The following RAE1 variants were observed in gnomAD, a reference collection of about 807,000 sequenced individuals.
RAE1 encodes mRNA export factor RAE1.
RAE1 carries 13 observed loss-of-function variants against 52.7 expected under a neutral mutation model. That is an observed-to-expected ratio of 0.25 (90% confidence interval 0.16 to 0.39). The LOEUF (loss-of-function observed/expected upper bound fraction) is 0.39. Ranked by LOEUF, RAE1 falls within the 10% of genes least tolerant of loss-of-function variation. RAE1 has a pLI of 1.00. For synonymous variants in RAE1, 164 were observed against 153.1 expected (o/e 1.07, Z -0.52); for missense variants, 262 against 459.8 (o/e 0.57, Z 3.93).
At chr20:57,364,863 T>C (rs931266251) in intron 4 of RAE1, among the ~76,000 whole-genome samples, 29 of 152,218 alleles carry the variant, frequency 1.9e-4, no homozygotes, top group African/African-American at 6.8e-4. Context: ...TGTTATTAGA[T>C]AGGGACCGAA....
intron 8 of RAE1, 127 bp downstream of exon 8, chr20:57,368,939 G>A (rs2066996071): frequency 1.4e-6 from 1 of 726,166 alleles, no homozygotes; most frequent in African/African-American, 1.8e-5. Context: ...TGAATTGAAG[G>A]ATATAAACAC....
intron 1 of RAE1, 152 bp downstream of exon 1, chr20:57,351,574 A>G (rs1458310944): frequency 1.0e-6 from 1 of 985,382 alleles, no homozygotes. Context: ...AAGCGAGGTC[A>G]GAGCTGGAAA....
At chr20:57,351,463 C>G (rs946340173) in intron 1 of RAE1, 41 bp downstream of exon 1, 1 of 985,376 alleles carries the variant, frequency 1.0e-6, no homozygotes, top group Non-Finnish European at 1.2e-6. Flanking sequence ...TAACCGCCGC[C>G]ATGGCTCCCG....
rs1175823574 is a variant in RAE1 at position 57,356,491 on chromosome 20, G to A, written c.241G>A (p.Ala81Thr). ...AGACAGTGGACAGACCATTCCAAAAGCCCAGCAGATGCACACTGGGCCTGT... is the reference window on the plus strand; with the variant it reads ...AGACAGTGGACAGACCATTCCAAAAACCCAGCAGATGCACACTGGGCCTGT... ...VQDSGQTIPK[A>T]QQMHTGPVLD... Residue 81 changes from alanine (A) to threonine (T), a missense_variant, in exon 4 of 12, where the codon GCC becomes ACC. Ala to Thr is a moderately conservative substitution (Grantham distance 58, BLOSUM62 0). Coordinates refer to ENST00000395841, the MANE Select transcript of RAE1 (RefSeq NM_003610.4). 6.2e-7 allele frequency: 1 copy of A among 1,613,448 alleles called. No homozygotes were observed. Among genetic ancestry groups the A allele is most frequent in the African/African-American group, 1.3e-5 (1 of 75,038 alleles).
chr20:57,373,692 A>G lies in RAE1; in HGVS notation c.779A>G (p.His260Arg). The G allele has an allele frequency of 6.2e-7, 1 of 1,614,112 alleles. No homozygotes were observed. The highest frequency in any genetic ancestry group is 8.5e-7 in the Non-Finnish European group (1 of 1,179,958). ...AAAGATAACTTCACCTTTAAATGTCATCGATCTAATGGAACCAACACTTCA... is the reference window on the plus strand; with the variant it reads ...AAAGATAACTTCACCTTTAAATGTCGTCGATCTAATGGAACCAACACTTCA... ...PAKDNFTFKC[H>R]RSNGTNTSAP... The change falls in exon 10 of 12, where the codon CAT becomes CGT. Residue 260 changes from histidine to arginine, a missense_variant. His to Arg is a conservative substitution (Grantham distance 29). Transcript: ENST00000395841.
In RAE1 at chr20:57,354,013, ATT is replaced by A. The variant is rs765660669; in HGVS notation, c.-7-15_-7-14del. 9 of 1,601,856 alleles carry A rather than the reference ATT, an allele frequency of 5.6e-6. No individual in the cohort carries two copies. Among genetic ancestry groups the A allele is most frequent in the South Asian group, 4.4e-5 (4 of 90,344 alleles). ...TATTAAGAGAAAACCCATCCTTAAC[ATT>A]TTTCATTACTTTTTAGGTTCAAAAT... is the stretch of plus-strand genomic sequence containing the variant. On this transcript the variant is annotated splice_polypyrimidine_tract_variant and intron_variant, in intron 1 of 11. Transcript: ENST00000395841.
rs73291823 is a variant in RAE1, at chr20:57,356,406, G to A, written c.196-40G>A. ...AGGTGTTAAATGCAAGCAATACATC[G>A]TAATTGCTTTGTTTGCATTGAATTT... On this transcript the variant is annotated intron_variant, in intron 3 of 11. Transcript: ENST00000395841. 2,300 of 1,505,276 alleles carry A rather than the reference G, an allele frequency of 1.5e-3. 23 individuals carry two copies. In the African/African-American group the frequency reaches 0.026, roughly 17 times the overall value. The allele number at this position is 1,505,276 out of a possible 1,614,324, so 93.2% of individuals were successfully genotyped here.
At chr20:57,366,728 C>T in intron 5 of RAE1, 79 bp from the exon 6 acceptor site, 1 of 1,357,884 alleles carries the variant, frequency 7.4e-7, no homozygotes, top group South Asian at 1.2e-5. Context: ...AGTTTCTTCC[C>T]TTTGAATTGC....
chr20:57,362,345 T>C (rs2066902188), intron 4 of RAE1, among the ~76,000 whole-genome samples: 1 of 152,244 alleles, frequency 6.6e-6, no homozygotes, highest in Admixed American at 6.5e-5. Flanking sequence ...CTGATTAAGT[T>C]ATTGTGACAC....
rs576643367 is a variant in RAE1, at chr20:57,368,308, GAA to G, written c.535-393_535-392del. On this transcript the variant is annotated intron_variant, in intron 7 of 11. Coordinates refer to ENST00000395841, the MANE Select transcript of RAE1 (RefSeq NM_003610.4). ...ACGTTAGAAGCCACTGCTAGTACTT[GAA>G]AAAGTGTGTGACGTGGACCTTATGA... Among the ~76,000 whole-genome samples, 401 of 152,256 alleles carry G rather than the reference GAA, an allele frequency of 2.6e-3. 1 individual carries two copies. The highest frequency in any genetic ancestry group is 9.2e-3 in the African/African-American group (382 of 41,534).
chr20:57,351,303 C>A lies in RAE1; in HGVS notation c.-127C>A. 1.0e-6 allele frequency: 1 copy of A among 985,478 alleles called. No individual in the cohort carries two copies. The allele number at this position is 985,478 out of a possible 1,614,324, so 61.0% of individuals were successfully genotyped here. A position where few individuals can be genotyped will look rare whatever the true frequency, so the allele number is the denominator to read the frequency against. On this transcript the variant is annotated 5_prime_UTR_variant, in exon 1 of 12. Transcript: ENST00000395841. ...TTCTACCGCAGGCTTAAGGAGGCTT[C>A]GGGCTCCTGGGATTTCTGTCCGCGC...
rs1162714014 is a variant in RAE1, at chr20:57,378,031, C to T, written c.1039C>T (p.Pro347Ser). The T allele has an allele frequency of 1.6e-5, 26 of 1,610,992 alleles. No individual in the cohort carries two copies. The highest frequency in any genetic ancestry group is 2.2e-5 in the Non-Finnish European group (26 of 1,177,474). Residue 347 changes from proline to serine, a missense_variant, in exon 12 of 12, where the codon CCC (proline) becomes TCC (serine). Pro to Ser is a moderately conservative substitution (Grantham distance 74). Transcript: ENST00000395841. Reference sequence around the variant, plus strand: ...TCTTTAGGGACATGAATTTTATAATCCCCAGAAAAAAAATTACATTTTCCT... The same window carrying T: ...TCTTTAGGGACATGAATTTTATAATTCCCAGAAAAAAAATTACATTTTCCT... ...DWSKGHEFYN[P>S]QKKNYIFLRN...
chr20:57,361,008 T>C (rs562526624), intron 4 of RAE1, among the ~76,000 whole-genome samples: 13 of 152,332 alleles, frequency 8.5e-5, no homozygotes, highest in African/African-American at 3.1e-4. Flanking sequence ...TGTGGACCCA[T>C]CTAGACATTT....
intron 4 of RAE1, chr20:57,359,385 C>G (rs765023041): frequency 8.7e-5 from 15 of 171,996 alleles, no homozygotes; most frequent in Non-Finnish European, 1.7e-4. Context: ...ATTACTGCTT[C>G]TATTAAGTAA....
intron 2 of RAE1, among the ~76,000 whole-genome samples, 159 bp from the exon 3 acceptor site, chr20:57,354,553 A>G (rs1483725568): frequency 6.6e-6 from 1 of 152,056 alleles, no homozygotes; most frequent in African/African-American, 2.4e-5. Context: ...TCTCTAGCTT[A>G]TTTTTTACTC....
At position 57,353,491 on chromosome 20, in the gene RAE1, A is replaced by C. The variant is rs140690298; in HGVS notation, c.-7-541A>C. On this transcript the variant is annotated intron_variant, in intron 1 of 11. Coordinates refer to ENST00000395841, the MANE Select transcript of RAE1 (RefSeq NM_003610.4). ...AAACACGATGCCCGACCTTTTTAAA[A>C]CTTTTACGAAGAAATTGCTGATTCG... Among the ~76,000 whole-genome samples, 394 of 152,348 alleles carry C rather than the reference A, an allele frequency of 2.6e-3. 1 individual carries two copies. Among genetic ancestry groups the C allele is most frequent in the African/African-American group, 9.0e-3 (373 of 41,572 alleles).
chr20:57,365,345 T>A lies in RAE1; in HGVS notation c.289-11T>A, dbSNP rs766227180. The A allele has an allele frequency of 1.3e-6, 2 of 1,594,956 alleles. No individual in the cohort carries two copies. The highest frequency in any genetic ancestry group is 3.4e-5 in the Admixed American group (2 of 59,062). On this transcript the variant is annotated splice_polypyrimidine_tract_variant and intron_variant, in intron 4 of 11. Transcript: ENST00000395841. ...TTCTTAAAATGCAAAATTTTCTCCA[T>A]TTTATTTTAGGATGGGAGCAAAGTG... is the stretch of plus-strand genomic sequence containing the variant.
chr20:57,372,336 C>T lies in RAE1; in HGVS notation c.643-1139C>T, dbSNP rs35971273. 3.5e-3 allele frequency: 536 copies of T among 152,526 alleles called. 2 individuals are homozygous for T. Among genetic ancestry groups the T allele is most frequent in the Non-Finnish European group, 5.8e-3 (398 of 68,196 alleles). 9.4% of individuals were successfully genotyped at this position (152,526 alleles called of 1,614,324 possible). ...GTTGAATCCAAAAAAAACCTGGTCC[C>T]ATCTGGCTTCACTTCCTGCCACCCG... On this transcript the variant is annotated intron_variant, in intron 8 of 11. Coordinates refer to ENST00000395841, the MANE Select transcript of RAE1 (RefSeq NM_003610.4).
chr20:57,365,883 A>G (rs2066948083), intron 5 of RAE1, among the ~76,000 whole-genome samples: 2 of 152,208 alleles, frequency 1.3e-5, no homozygotes, highest in South Asian at 4.1e-4. Context: ...CACGTGTGGA[A>G]CTTTTACCGT....
Sources: gnomAD v4.1 joint callset for allele counts (sites outside exome capture counted in the v4.1 genomes callset) on GRCh38, gnomAD v4.1.1 for gene constraint, MANE v1.5 for transcripts, NCBI Gene and HGNC (gene_info 2026-07-23, HGNC 2026-07-21) for gene names.